ARHGAP24: variants seen among roughly 807,000 people sequenced by gnomAD.
ARHGAP24 encodes the protein Rho GTPase activating protein 24.
Under a neutral mutation model 76.4 loss-of-function variants are expected in ARHGAP24, and 50 were observed. The ratio of observed to expected loss-of-function variants is 0.65; its 90% CI spans 0.52 to 0.83. The LOEUF is 0.83. Among genes scored for constraint, ARHGAP24 ranks in the 40% least tolerant of loss-of-function variants. ARHGAP24 has a pLI of 0.00. For missense variants in ARHGAP24, 930 were observed against 914.2 expected (o/e 1.02, Z -0.22); for synonymous variants, 345 against 323.3 (o/e 1.07, Z -0.72).
intron 3 of ARHGAP24, among the ~76,000 whole-genome samples, chr4:85,870,543 C>A (rs1321326389): frequency 6.6e-6 from 1 of 152,128 alleles, no homozygotes; most frequent in African/African-American, 2.4e-5. Context: ...TATGAGTTAA[C>A]CTTTTCAGCA....
chr4:85,577,191 A>G (rs1727412673), intron 2 of ARHGAP24, among the ~76,000 whole-genome samples: 2 of 149,312 alleles, frequency 1.3e-5, no homozygotes, highest in South Asian at 4.2e-4. Flanking sequence ...TCTAGATTCT[A>G]GGAAATATAT....
intron 2 of ARHGAP24, among the ~76,000 whole-genome samples, chr4:85,623,478 G>T (rs1259555275): frequency 1.3e-5 from 2 of 151,492 alleles, no homozygotes; most frequent in Non-Finnish European, 3.0e-5. Context: ...GTACTATGCT[G>T]TTTTGGTTAC....
At chr4:85,894,729 G>A (rs1194100335) in intron 3 of ARHGAP24, among the ~76,000 whole-genome samples, 1 of 152,042 alleles carries the variant, frequency 6.6e-6, no homozygotes, top group African/African-American at 2.4e-5. Flanking sequence ...GGAGACCGAG[G>A]TGGGTGGATC....
chr4:85,891,178 T>C (rs1733869657), intron 3 of ARHGAP24, among the ~76,000 whole-genome samples: 1 of 152,180 alleles, frequency 6.6e-6, no homozygotes, highest in African/African-American at 2.4e-5. Context: ...GACGTTATAC[T>C]ACATTGGGAC....
At chr4:85,973,302 GT>G (rs1405489485) in intron 6 of ARHGAP24, among the ~76,000 whole-genome samples, 1 of 152,072 alleles carries the variant, frequency 6.6e-6, no homozygotes, top group Non-Finnish European at 1.5e-5. Flanking sequence ...ATCTTTTCAT[GT>G]GCTTATTGGA....
intron 2 of ARHGAP24, among the ~76,000 whole-genome samples, chr4:85,682,229 G>A (rs1400229466): frequency 2.0e-5 from 3 of 152,168 alleles, no homozygotes; most frequent in African/African-American, 7.2e-5. Context: ...ACCATAATAA[G>A]CCACAGATAG....
rs185138864 is a variant in ARHGAP24 at position 85,571,446 on chromosome 4, T to C, written c.180+725T>C. Among the ~76,000 whole-genome samples the C allele has an allele frequency of 3.0e-3, 464 of 152,320 alleles. 1 individual carries two copies. Among genetic ancestry groups the C allele is most frequent in the African/African-American group, 0.011 (445 of 41,582 alleles). On this transcript the variant is annotated intron_variant, in intron 2 of 9. Coordinates refer to ENST00000395184, the MANE Select transcript of ARHGAP24 (RefSeq NM_001025616.3). ...GGTATGCAAACTGAGGCATCACTTA[T>C]GTGTGTGTTTTTCATCTACGTCTAT...
intron 1 of ARHGAP24, among the ~76,000 whole-genome samples, chr4:85,479,473 A>C (rs890930712): frequency 2.0e-5 from 3 of 152,222 alleles, no homozygotes; most frequent in African/African-American, 7.2e-5. Context: ...AATGAAGTTA[A>C]ATTTGGAGAT....
chr4:85,959,061 A>G (rs1738089194), intron 5 of ARHGAP24, among the ~76,000 whole-genome samples: 2 of 152,212 alleles, frequency 1.3e-5, no homozygotes, highest in South Asian at 4.1e-4. Context: ...GTTTATTAGG[A>G]AAGTAATGGA....
chr4:85,759,962 G>A (rs985591356), intron 3 of ARHGAP24, among the ~76,000 whole-genome samples: 4 of 151,962 alleles, frequency 2.6e-5, no homozygotes, highest in South Asian at 2.1e-4. Flanking sequence ...GGAAGAAAAC[G>A]TGTCTCATTA....
At chr4:85,631,070 G>A (rs926780170) in intron 2 of ARHGAP24, among the ~76,000 whole-genome samples, 2 of 152,124 alleles carry the variant, frequency 1.3e-5, no homozygotes, top group East Asian at 1.9e-4. Flanking sequence ...AAGAGAAAAA[G>A]AGAGAGTAAG....
chr4:85,983,923 C>A (rs1272070081), intron 8 of ARHGAP24, among the ~76,000 whole-genome samples: 1 of 152,142 alleles, frequency 6.6e-6, no homozygotes, highest in East Asian at 1.9e-4. Context: ...CAATAATAAT[C>A]TTTTAAAATA....
chr4:85,698,392 C>A lies in ARHGAP24; in HGVS notation c.181-23493C>A, dbSNP rs550184981. On this transcript the variant is annotated intron_variant, in intron 2 of 9. Transcript: ENST00000395184. ...TAGAAAGTGGGCAGATCCAGAAATT[C>A]TTCAGAGAGATCATTAACATGATTT... Among the ~76,000 whole-genome samples, 4 of 152,246 alleles carry A rather than the reference C, an allele frequency of 2.6e-5. No homozygotes were observed. The South Asian group carries it at 8.3e-4, about 32-fold the overall frequency.
intron 2 of ARHGAP24, among the ~76,000 whole-genome samples, chr4:85,625,864 T>C (rs1392712125): frequency 6.6e-6 from 1 of 152,184 alleles, no homozygotes; most frequent in African/African-American, 2.4e-5. Flanking sequence ...TGGTTTAAAG[T>C]CTGTTTTATC....
At chr4:85,861,412 C>T (rs1432594818) in intron 3 of ARHGAP24, among the ~76,000 whole-genome samples, 1 of 152,036 alleles carries the variant, frequency 6.6e-6, no homozygotes, top group Non-Finnish European at 1.5e-5. Context: ...TTAATCTTAT[C>T]CTTCATCATT....
At chr4:85,712,987 T>C (rs114927221) in intron 2 of ARHGAP24, among the ~76,000 whole-genome samples, 3,785 of 152,264 alleles carry the variant, frequency 0.025, 56 homozygotes, top group South Asian at 0.057. Context: ...TCTCCTGTCA[T>C]TTTTGTTTGC....
intron 3 of ARHGAP24, among the ~76,000 whole-genome samples, chr4:85,735,631 C>T (rs1725579719): frequency 6.6e-6 from 1 of 152,130 alleles, no homozygotes; most frequent in Admixed American, 6.5e-5. Context: ...TAGTCTTCTT[C>T]TCCCTTACCT....
chr4:85,790,063 T>A (rs1349934743), intron 3 of ARHGAP24, among the ~76,000 whole-genome samples: 1 of 152,152 alleles, frequency 6.6e-6, no homozygotes, highest in East Asian at 1.9e-4. Flanking sequence ...AATGCAAATT[T>A]CTAGGCCCTA....
At chr4:85,625,756 T>A (rs1720926435) in intron 2 of ARHGAP24, among the ~76,000 whole-genome samples, 1 of 152,246 alleles carries the variant, frequency 6.6e-6, no homozygotes, top group Non-Finnish European at 1.5e-5. Context: ...TGGGTGCTCC[T>A]GTATTGGGTG....
Sources: allele counts gnomAD v4.1 joint callset (sites outside exome capture counted in the v4.1 genomes callset), GRCh38; gene constraint gnomAD v4.1.1; transcripts MANE v1.5; gene names NCBI Gene and HGNC (gene_info 2026-07-23, HGNC 2026-07-21).